Variants in RAB3C observed in about 807,000 individuals in gnomAD.
RAB3C encodes RAB3C, member RAS oncogene family.
In RAB3C, 17 loss-of-function variants were observed where a neutral mutation model predicts 26.4. The ratio of observed to expected loss-of-function variants is 0.64; its 90% CI spans 0.44 to 0.97. The LOEUF is 0.97. Among genes scored for constraint, RAB3C ranks in the 50% least tolerant of loss-of-function variants. The pLI, the probability that RAB3C is intolerant of heterozygous loss-of-function variation, is 0.00. For missense variants in RAB3C, 242 were observed against 281.9 expected (o/e 0.86, Z 1.01); for synonymous variants, 91 against 95.9 (o/e 0.95, Z 0.30).
intron 3 of RAB3C, among the ~76,000 whole-genome samples, chr5:58,777,380 C>G (rs757855128): frequency 6.6e-6 from 1 of 152,118 alleles, no homozygotes; most frequent in Non-Finnish European, 1.5e-5. Flanking sequence ...TGTTCTAGAA[C>G]GCCTAGTCCT....
At chr5:58,705,930 C>A (rs921198552) in intron 2 of RAB3C, among the ~76,000 whole-genome samples, 2 of 152,178 alleles carry the variant, frequency 1.3e-5, no homozygotes, top group Non-Finnish European at 2.9e-5. Context: ...CAGTCCACCA[C>A]CCCTTACTTT....
intron 2 of RAB3C, among the ~76,000 whole-genome samples, chr5:58,630,957 C>A (rs1219631271): frequency 6.6e-6 from 1 of 152,174 alleles, no homozygotes; most frequent in East Asian, 1.9e-4. Flanking sequence ...AGGAGATCTT[C>A]TGACAATAGG....
At chr5:58,582,836 G>A (rs1178864008), upstream of RAB3C, among the ~76,000 whole-genome samples, 1 of 152,246 alleles carries the variant, frequency 6.6e-6, no homozygotes. Context: ...CCCTGGCGAG[G>A]AAAAGAGCAG....
At chr5:58,714,102 T>A (rs1376189068) in intron 2 of RAB3C, among the ~76,000 whole-genome samples, 1 of 152,174 alleles carries the variant, frequency 6.6e-6, no homozygotes, top group East Asian at 1.9e-4. Flanking sequence ...ATAGTTCATA[T>A]GTTGGGGACA....
At position 58,746,345 on chromosome 5, in the gene RAB3C, A is replaced by G. The variant is rs1292687990; in HGVS notation, c.371+20225A>G. ...TATCACCTTTCCAAAGAGCTCTACCAGTACTTGGGGCTTCAGGACAACAAA... is the reference window on the plus strand; with the variant it reads ...TATCACCTTTCCAAAGAGCTCTACCGGTACTTGGGGCTTCAGGACAACAAA... On this transcript the variant is annotated intron_variant, in intron 3 of 4. Transcript: ENST00000282878. Among the ~76,000 whole-genome samples the G allele has an allele frequency of 3.9e-5, 6 of 152,296 alleles. No homozygotes were observed. In the South Asian group the frequency reaches 6.2e-4, roughly 16 times the overall value.
intron 2 of RAB3C, among the ~76,000 whole-genome samples, chr5:58,641,121 G>C (rs1238160499): frequency 1.3e-5 from 2 of 152,152 alleles, no homozygotes; most frequent in African/African-American, 4.8e-5. Context: ...GGTGTGCTCT[G>C]TCAGTTTGTA....
intron 2 of RAB3C, among the ~76,000 whole-genome samples, chr5:58,646,371 A>G (rs902798533): frequency 3.3e-5 from 5 of 152,168 alleles, no homozygotes; most frequent in African/African-American, 1.2e-4. Context: ...ATAAAGGTTC[A>G]TTGAAACAAT....
intron 2 of RAB3C, among the ~76,000 whole-genome samples, chr5:58,675,582 C>G (rs537670743): frequency 4.7e-4 from 70 of 150,388 alleles, no homozygotes; most frequent in Middle Eastern, 3.5e-3. Context: ...CTTCCCAACA[C>G]AGCGTCAGCA....
intron 2 of RAB3C, among the ~76,000 whole-genome samples, chr5:58,658,208 T>C (rs1747821749): frequency 6.6e-6 from 1 of 152,208 alleles, no homozygotes; most frequent in Admixed American, 6.5e-5. Context: ...CCCTAACTTA[T>C]AGTAGGACAG....
At chr5:58,800,331 T>C (rs1336321311) in intron 3 of RAB3C, among the ~76,000 whole-genome samples, 1 of 152,236 alleles carries the variant, frequency 6.6e-6, no homozygotes, top group African/African-American at 2.4e-5. Context: ...GATCTTTTTT[T>C]GGAAAGTGAT....
chr5:58,583,247 A>G lies in RAB3C; in HGVS notation c.24+15A>G. The G allele has an allele frequency of 6.2e-7, 1 of 1,614,164 alleles. No individual in the cohort carries two copies. The highest frequency in any genetic ancestry group is 8.5e-7 in the Non-Finnish European group (1 of 1,180,024). On this transcript the variant is annotated intron_variant, in intron 1 of 4. Transcript: ENST00000282878. ...CGCCCATGCAGGTGGGTCCATAAAGAAAGAGTGGCCTCGGGAGGAATTGAA... is the reference window on the plus strand; with the variant it reads ...CGCCCATGCAGGTGGGTCCATAAAGGAAGAGTGGCCTCGGGAGGAATTGAA...
intron 3 of RAB3C, among the ~76,000 whole-genome samples, chr5:58,804,691 A>T (rs1001237055): frequency 2.1e-5 from 3 of 140,958 alleles, no homozygotes; most frequent in African/African-American, 6.1e-5. Context: ...GTGTGTGTGT[A>T]TGTATGTATG....
intron 1 of RAB3C, among the ~76,000 whole-genome samples, chr5:58,593,002 C>T (rs1008035203): frequency 1.3e-5 from 2 of 151,940 alleles, no homozygotes; most frequent in Non-Finnish European, 2.9e-5. Flanking sequence ...ATTTTTTCAT[C>T]CAATTATTCT....
chr5:58,590,505 A>G (rs918887836), intron 1 of RAB3C, among the ~76,000 whole-genome samples: 1 of 151,742 alleles, frequency 6.6e-6, no homozygotes, highest in African/African-American at 2.4e-5. Flanking sequence ...TTCTTTATTT[A>G]GATTCTTAAG....
At chr5:58,751,347 A>G (rs1741519757) in intron 3 of RAB3C, among the ~76,000 whole-genome samples, 2 of 152,244 alleles carry the variant, frequency 1.3e-5, no homozygotes, top group Admixed American at 1.3e-4. Context: ...GACACATAGT[A>G]GGCACTTAGT....
chr5:58,738,998 C>T (rs1213435132), intron 3 of RAB3C, among the ~76,000 whole-genome samples: 1 of 152,140 alleles, frequency 6.6e-6, no homozygotes, highest in Non-Finnish European at 1.5e-5. Flanking sequence ...GCCTATTTTC[C>T]AGTCCTAGAT....
At chr5:58,681,193 C>A (rs1219717702) in intron 2 of RAB3C, among the ~76,000 whole-genome samples, 1 of 152,156 alleles carries the variant, frequency 6.6e-6, no homozygotes, top group African/African-American at 2.4e-5. Context: ...TAGTGAGGCA[C>A]TGCTTCCCAT....
intron 2 of RAB3C, among the ~76,000 whole-genome samples, chr5:58,680,225 T>G (rs1182024877): frequency 6.6e-6 from 1 of 152,184 alleles, no homozygotes; most frequent in Non-Finnish European, 1.5e-5. Context: ...TTTAGCTACT[T>G]GTTAATTAGG....
At chr5:58,756,907 T>C (rs1741680828) in intron 3 of RAB3C, among the ~76,000 whole-genome samples, 1 of 152,168 alleles carries the variant, frequency 6.6e-6, no homozygotes, top group Admixed American at 6.5e-5. Flanking sequence ...TAAACATATG[T>C]GTGCATGTGT....
Sources: gnomAD v4.1 joint callset for allele counts (sites outside exome capture counted in the v4.1 genomes callset) on GRCh38, gnomAD v4.1.1 for gene constraint, MANE v1.5 for transcripts, NCBI Gene and HGNC (gene_info 2026-07-23, HGNC 2026-07-21) for gene names.